WWC2: variants seen among roughly 807,000 people sequenced by gnomAD.
WWC2 encodes WW and C2 domain containing 2.
In WWC2, 101 loss-of-function variants were observed where a neutral mutation model predicts 138.5. The ratio of observed to expected loss-of-function variants is 0.73; its 90% confidence interval spans 0.62 to 0.86. WWC2 has a LOEUF of 0.86. Among genes scored for constraint, WWC2 ranks in the 40% least tolerant of loss-of-function variants. The pLI is 0.00. For synonymous variants in WWC2, 558 were observed against 538.4 expected, an observed-to-expected ratio of 1.04 and a Z score of -0.50; for missense variants, 1,420 against 1,419.4, an observed-to-expected ratio of 1.00 and a Z score of -0.01.
chr4:183,282,791 CAGA>C lies in WWC2; in HGVS notation c.2772_2774del (p.Glu924del). 6.3e-7 allele frequency: 1 copy of C among 1,584,240 alleles called. No individual in the cohort carries two copies. The highest frequency in any genetic ancestry group is 8.6e-7 in the Non-Finnish European group (1 of 1,164,652). On this transcript the variant is annotated inframe_deletion, in exon 18 of 23. Transcript: ENST00000403733. ...AAATTGCCAGAGGACAGTAGCTGTACAGAAGATTTAAGTTCATGCACTAGTGTG... is the reference window on the plus strand; with the variant it reads ...AAATTGCCAGAGGACAGTAGCTGTACAGATTTAAGTTCATGCACTAGTGTG...
intron 1 of WWC2, among the ~76,000 whole-genome samples, chr4:183,129,110 T>G (rs1732845771): frequency 6.6e-6 from 1 of 152,234 alleles, no homozygotes. Context: ...GTTTTGCTTT[T>G]TACTATGACA....
intron 1 of WWC2, among the ~76,000 whole-genome samples, chr4:183,102,330 C>T (rs189766827): frequency 3.3e-3 from 508 of 152,118 alleles, no homozygotes; most frequent in Non-Finnish European, 4.9e-3. Context: ...ACTGAGTGAC[C>T]CTGGAAATAG....
chr4:183,280,961 GA>G (rs1322985762), intron 17 of WWC2, 64 bp downstream of exon 17: 1 of 1,499,454 alleles, frequency 6.7e-7, no homozygotes, highest in Non-Finnish European at 8.9e-7. Context: ...GGCTTACAGT[GA>G]AACCTTTGTA....
At chr4:183,313,919 G>A (rs1739345109) in intron 22 of WWC2, among the ~76,000 whole-genome samples, 1 of 151,200 alleles carries the variant, frequency 6.6e-6, no homozygotes, top group South Asian at 2.1e-4. Context: ...TTCCTATTGC[G>A]TTTTTATTTG....
At chr4:183,268,005 TG>T in intron 14 of WWC2, among the ~76,000 whole-genome samples, 1 of 152,326 alleles carries the variant, frequency 6.6e-6, no homozygotes, top group Admixed American at 6.5e-5. Flanking sequence ...GACAGTGAGC[TG>T]TGTCTTAGTA....
intron 1 of WWC2, among the ~76,000 whole-genome samples, chr4:183,116,079 C>T (rs191712160): frequency 3.3e-5 from 5 of 152,264 alleles, no homozygotes; most frequent in Admixed American, 3.3e-4. Flanking sequence ...ATCCCAGCAC[C>T]TTTTATTGAA....
chr4:183,214,609 A>G (rs1043475572), intron 4 of WWC2, among the ~76,000 whole-genome samples: 2 of 152,050 alleles, frequency 1.3e-5, no homozygotes, highest in Non-Finnish European at 1.5e-5. Flanking sequence ...CCTGACCAAC[A>G]TGGAGAAACC....
intron 21 of WWC2, among the ~76,000 whole-genome samples, chr4:183,299,864 C>T (rs1036252004): frequency 6.6e-6 from 1 of 152,214 alleles, no homozygotes; most frequent in Non-Finnish European, 1.5e-5. Context: ...AAATATGGCT[C>T]CCAGAAAAGC....
At chr4:183,238,500 G>C (rs778231944) in intron 4 of WWC2, among the ~76,000 whole-genome samples, 4 of 152,098 alleles carry the variant, frequency 2.6e-5, no homozygotes, top group African/African-American at 9.7e-5. Context: ...AATTCTCAAC[G>C]TGGCATCTGT....
intron 1 of WWC2, among the ~76,000 whole-genome samples, chr4:183,101,421 C>G (rs1000205097): frequency 1.3e-5 from 2 of 152,132 alleles, no homozygotes; most frequent in Admixed American, 6.5e-5. Context: ...ATAAACAATT[C>G]ATTGGATAGG....
Position 183,261,024 on chromosome 4 carries a change from C to T in WWC2, c.1401C>T (p.Thr467=), listed in dbSNP as rs751399370. Residue 467 remains threonine (T), a synonymous_variant, in exon 11 of 23, where the codon ACC becomes ACT. Coordinates refer to ENST00000403733, the MANE Select transcript of WWC2 (RefSeq NM_024949.6). ...SRGSLNSLSS[T]ELYYSSQSDQ... is the part of the protein sequence containing the mutation. ...GGTCACTCAACTCCCTCAGTTCCAC[C>T]GAACTCTATTACAGCAGTCAAAGTG... The T allele has an allele frequency of 8.7e-6, 14 of 1,613,862 alleles. No individual in the cohort carries two copies. The highest frequency in any genetic ancestry group is 5.5e-5 in the South Asian group (5 of 91,078).
chr4:183,271,149 C>T lies in WWC2; in HGVS notation c.2470C>T (p.Leu824Phe). ...GGTTTTCACTCTATGGTATAACTTG[C>T]TTCCTTCCAAGCAAATGCCTTGCAA... is the stretch of plus-strand genomic sequence containing the variant. Reference protein sequence around the residue: ...SEVFTLWYNLLPSKQMPCKKN... With the variant: ...SEVFTLWYNLFPSKQMPCKKN... Residue 824 changes from leucine to phenylalanine, a missense_variant, in exon 16 of 23, where the codon CTT becomes TTT. Transcript: ENST00000403733. 6 of 1,612,898 alleles carry T rather than the reference C, an allele frequency of 3.7e-6. No homozygotes were observed. Among genetic ancestry groups the T allele is most frequent in the Non-Finnish European group, 5.1e-6 (6 of 1,179,450 alleles).
intron 4 of WWC2, among the ~76,000 whole-genome samples, chr4:183,224,722 A>T (rs1736023431): frequency 6.6e-6 from 1 of 152,040 alleles, no homozygotes; most frequent in African/African-American, 2.4e-5. Context: ...CACCACGCCT[A>T]GCTAATTTTT....
chr4:183,157,439 TTGTTTTACTGGG>T (rs1361788540), intron 1 of WWC2, among the ~76,000 whole-genome samples: 1 of 152,164 alleles, frequency 6.6e-6, no homozygotes, highest in Non-Finnish European at 1.5e-5. Flanking sequence ...CCTCTAGTGG[TTGTTTTACTGGG>T]TGCTTTACAG....
intron 5 of WWC2, among the ~76,000 whole-genome samples, chr4:183,243,932 G>C (rs756004824): frequency 6.6e-6 from 1 of 152,066 alleles, no homozygotes; most frequent in Non-Finnish European, 1.5e-5. Context: ...CAGTGCTTGG[G>C]GAAATACATT....
chr4:183,308,852 T>A (rs916429546), intron 21 of WWC2, among the ~76,000 whole-genome samples: 1 of 152,210 alleles, frequency 6.6e-6, no homozygotes, highest in East Asian at 1.9e-4. Flanking sequence ...GTTGCAACCA[T>A]CCATTTTTTT....
chr4:183,319,406 A>C lies in WWC2; in HGVS notation c.*3677A>C, dbSNP rs1048333093. ...GACTAGAAGATAAAAATGGTTTACC[A>C]GTCTTGGAAAGAAACTATAGTTTAA... On this transcript the variant is annotated 3_prime_UTR_variant, in exon 23 of 23. Transcript: ENST00000403733. The C allele has an allele frequency of 4.7e-6, 4 of 854,406 alleles. No individual in the cohort carries two copies. Among genetic ancestry groups the C allele is most frequent in the Non-Finnish European group, 7.2e-6 (4 of 551,776 alleles). The allele number at this position is 854,406 out of a possible 1,614,324, so 52.9% of individuals were successfully genotyped here. A position where few individuals can be genotyped will look rare whatever the true frequency, so the allele number is the denominator to read the frequency against.
At chr4:183,270,994 CT>C in intron 15 of WWC2, 85 bp from the exon 16 acceptor site, 1 of 1,201,242 alleles carries the variant, frequency 8.3e-7, no homozygotes, top group Non-Finnish European at 1.1e-6. Flanking sequence ...ATTCAATAAT[CT>C]TTATTATATC....
chr4:183,314,262 G>A (rs977897531), intron 22 of WWC2, among the ~76,000 whole-genome samples: 31 of 152,190 alleles, frequency 2.0e-4, no homozygotes, highest in African/African-American at 6.0e-4. Flanking sequence ...TGCAGGTGAG[G>A]GGAGCCCATC....
Sources: gnomAD v4.1 joint callset for allele counts (sites outside exome capture counted in the v4.1 genomes callset) on GRCh38, gnomAD v4.1.1 for gene constraint, MANE v1.5 for transcripts, NCBI Gene and HGNC (gene_info 2026-07-23, HGNC 2026-07-21) for gene names.